The following NXPE1 variants were observed in gnomAD, a reference collection of about 807,000 sequenced individuals.
NXPE1 encodes neurexophilin and PC-esterase domain family member 1.
Under a neutral mutation model 33.3 loss-of-function variants are expected in NXPE1, and 31 were observed. The ratio of observed to expected loss-of-function variants is 0.93; its 90% CI spans 0.70 to 1.26. The LOEUF (loss-of-function observed/expected upper bound fraction) is 1.26. Among genes scored for constraint, NXPE1 ranks in the 50% most tolerant of loss-of-function variants. NXPE1 has a pLI of 0.00. For synonymous variants in NXPE1, 229 were observed against 231.4 expected (o/e 0.99, Z 0.09); for missense variants, 661 against 655.6 (o/e 1.01, Z -0.09).
intron 1 of NXPE1, chr11:114,553,948 G>A (rs1206406425): frequency 1.0e-6 from 1 of 985,390 alleles, no homozygotes; most frequent in African/African-American, 1.7e-5. Flanking sequence ...GGGAGAGCAG[G>A]TTTGTCAGTA....
intron 7 of NXPE1, chr11:114,527,311 T>C (rs948381011): frequency 2.6e-5 from 4 of 152,258 alleles, no homozygotes; most frequent in Non-Finnish European, 5.9e-5. Flanking sequence ...TTGAAGTAAG[T>C]ATCATGATGG....
At chr11:114,522,448 C>G in exon 9 of NXPE1, 1 of 1,612,728 alleles carries the variant, frequency 6.2e-7, no homozygotes, top group Non-Finnish European at 8.5e-7. Context: ...TTTCTGCATC[C>G]AGAAGCAAAT....
exon 9 of NXPE1, chr11:114,522,444 C>T (rs776084231): frequency 1.2e-6 from 2 of 1,612,882 alleles, no homozygotes; most frequent in Non-Finnish European, 8.5e-7. Context: ...TGTCTTTCTG[C>T]ATCCAGAAGC....
intron 5 of NXPE1, among the ~76,000 whole-genome samples, chr11:114,547,332 A>G (rs758271049): frequency 9.9e-5 from 15 of 152,250 alleles, no homozygotes; most frequent in Non-Finnish European, 1.3e-4. Context: ...CATGAGAAAA[A>G]TAACAGACAA....
chr11:114,544,788 C>T (rs1344370647), intron 5 of NXPE1, among the ~76,000 whole-genome samples: 1 of 151,966 alleles, frequency 6.6e-6, no homozygotes, highest in Non-Finnish European at 1.5e-5. Context: ...AGAGATAAGC[C>T]ATAGAGTGTG....
At chr11:114,551,738 T>G (rs1236717461) in intron 3 of NXPE1, among the ~76,000 whole-genome samples, 2 of 151,986 alleles carry the variant, frequency 1.3e-5, no homozygotes, top group African/African-American at 2.4e-5. Flanking sequence ...CCTTCAGGAA[T>G]GAATTACTCT....
chr11:114,540,947 C>T (rs904468785), intron 5 of NXPE1, among the ~76,000 whole-genome samples: 2 of 133,326 alleles, frequency 1.5e-5, no homozygotes, highest in Non-Finnish European at 3.1e-5. Context: ...GGGGGAAATC[C>T]CAGAACAGAG....
At chr11:114,535,035 G>A (rs186028622) in intron 5 of NXPE1, among the ~76,000 whole-genome samples, 47 of 151,046 alleles carry the variant, frequency 3.1e-4, no homozygotes, top group African/African-American at 9.4e-4. Flanking sequence ...CAGAGAGAAA[G>A]GTCGGGTTAC....
chr11:114,534,431 C>T (rs568789501), intron 5 of NXPE1, among the ~76,000 whole-genome samples: 26 of 152,190 alleles, frequency 1.7e-4, no homozygotes, highest in South Asian at 6.2e-4. Context: ...CAAAGCTGGA[C>T]GGAGAATGAC....
At chr11:114,553,632 A>G (rs956631405) in intron 1 of NXPE1, 2 of 788,022 alleles carry the variant, frequency 2.5e-6, no homozygotes, top group African/African-American at 3.8e-5. Flanking sequence ...TGCAAATCAG[A>G]CTTCTTAGAA....
At chr11:114,556,670 T>G (rs1484325148) in intron 1 of NXPE1, among the ~76,000 whole-genome samples, 1 of 152,104 alleles carries the variant, frequency 6.6e-6, no homozygotes, top group Non-Finnish European at 1.5e-5. Flanking sequence ...GGCCTTTTTC[T>G]AGTGCTTTCA....
chr11:114,537,389 A>G (rs550782362), intron 5 of NXPE1, among the ~76,000 whole-genome samples: 1 of 152,144 alleles, frequency 6.6e-6, no homozygotes, highest in South Asian at 2.1e-4. Flanking sequence ...GATGCCCTCT[A>G]TCAACACTCC....
intron 7 of NXPE1, chr11:114,527,240 A>G (rs1947397258): frequency 6.6e-6 from 1 of 152,266 alleles, no homozygotes; most frequent in South Asian, 2.1e-4. Flanking sequence ...ATGTGAGGAA[A>G]AATAAATAAA....
intron 6 of NXPE1, chr11:114,528,874 AT>A: frequency 1.6e-6 from 1 of 632,036 alleles, no homozygotes. Flanking sequence ...CCTTACTAGG[AT>A]TTAGGCATAA....
intron 5 of NXPE1, among the ~76,000 whole-genome samples, chr11:114,535,003 A>G (rs1378457363): frequency 6.6e-6 from 1 of 152,240 alleles, no homozygotes. Flanking sequence ...GTTTAAATGA[A>G]GGAAAAAATG....
At chr11:114,528,193 T>C (rs990468492) in intron 6 of NXPE1, among the ~76,000 whole-genome samples, 1 of 152,206 alleles carries the variant, frequency 6.6e-6, no homozygotes, top group Non-Finnish European at 1.5e-5. Context: ...AGTTCTCTTC[T>C]CTCTTTCTGC....
At chr11:114,538,068 T>C (rs1478358434) in intron 5 of NXPE1, among the ~76,000 whole-genome samples, 6 of 152,162 alleles carry the variant, frequency 3.9e-5, no homozygotes, top group Non-Finnish European at 1.5e-5. Flanking sequence ...ATGGTACTGG[T>C]ACCAAAACAG....
At chr11:114,529,220 T>C (rs1947481864) in intron 6 of NXPE1, 1 of 163,198 alleles carries the variant, frequency 6.1e-6, no homozygotes, top group Admixed American at 6.3e-5. Context: ...AAAAGGGTAC[T>C]GGCAGAATTG....
chr11:114,534,759 A>C lies in NXPE1; in HGVS notation c.100-3851T>G, dbSNP rs548628572. Among the ~76,000 whole-genome samples, 4 of 152,040 alleles carry C rather than the reference A, an allele frequency of 2.6e-5. No individual in the cohort carries two copies. In the South Asian group the frequency reaches 6.2e-4, roughly 24 times the overall value. ...AAAAAAGAATAAAAAGAAACAAAGC[A>C]TCCAAGAAATATGGGACTATGTGAA... On this transcript the variant is annotated intron_variant, in intron 5 of 8. Transcript: ENST00000534921.
Sources: allele counts gnomAD v4.1 joint callset (sites outside exome capture counted in the v4.1 genomes callset), GRCh38; gene constraint gnomAD v4.1.1; transcripts MANE v1.5; gene names NCBI Gene and HGNC (gene_info 2026-07-23, HGNC 2026-07-21).